The following MAF variants were observed in gnomAD, a reference collection of about 807,000 sequenced individuals.
MAF encodes the protein MAF bZIP transcription factor, also known as transcription factor Maf.
MAF carries 10 observed loss-of-function variants against 22.0 expected under a neutral mutation model. The observed-to-expected ratio is 0.45, with a 90% confidence interval of 0.28 to 0.77. The LOEUF (loss-of-function observed/expected upper bound fraction) is 0.77, where lower values mean the gene tolerates loss of function less well. Ranked by LOEUF, MAF falls within the 30% of genes least tolerant of loss-of-function variation. MAF has a pLI of 0.12. For synonymous variants in MAF, 337 were observed against 255.8 expected (o/e 1.32, Z -3.03); for missense variants, 544 against 548.4 (o/e 0.99, Z 0.08).
At chr16:79,480,826 A>G in the MAF span, among the ~76,000 whole-genome samples, 12 of 152,170 alleles carry the variant, frequency 7.9e-5, no homozygotes, top group Admixed American at 2.0e-4. Context: ...CTCTGGGAAA[A>G]CAGTTGGATG....
chr16:79,471,109 C>T, the MAF span, among the ~76,000 whole-genome samples: 1 of 152,180 alleles, frequency 6.6e-6, no homozygotes, highest in Non-Finnish European at 1.5e-5. Flanking sequence ...GCTGGACTTT[C>T]CTACCTGGCC....
chr16:79,246,773 G>C, the MAF span, among the ~76,000 whole-genome samples: 117 of 152,200 alleles, frequency 7.7e-4, no homozygotes, highest in East Asian at 8.3e-3. Flanking sequence ...CTTTACCCAA[G>C]AAAAAAGTCC....
chr16:79,324,575 G>C, the MAF span, among the ~76,000 whole-genome samples: 4 of 152,194 alleles, frequency 2.6e-5, no homozygotes, highest in Admixed American at 2.6e-4. Context: ...ATACAAATAA[G>C]AATCGGAGGT....
chr16:79,480,582 C>A, the MAF span, among the ~76,000 whole-genome samples: 2 of 152,062 alleles, frequency 1.3e-5, no homozygotes, highest in African/African-American at 2.4e-5. Context: ...TGGTACCTGG[C>A]ATTCAGATGT....
At chr16:79,405,824 G>C in the MAF span, among the ~76,000 whole-genome samples, 1 of 152,148 alleles carries the variant, frequency 6.6e-6, no homozygotes, top group Admixed American at 6.5e-5. Flanking sequence ...ATTTTGGAGA[G>C]AAAGAACTTT....
At chr16:79,548,278 T>A in the MAF span, among the ~76,000 whole-genome samples, 1 of 152,244 alleles carries the variant, frequency 6.6e-6, no homozygotes, top group Non-Finnish European at 1.5e-5. Context: ...TATTCATAAA[T>A]GTTCTTGATT....
chr16:79,576,590 G>A, the MAF span, among the ~76,000 whole-genome samples: 1 of 151,530 alleles, frequency 6.6e-6, no homozygotes, highest in African/African-American at 2.4e-5. Flanking sequence ...AACTAACGTT[G>A]TATGTTTTTC....
At chr16:79,465,790 C>T in the MAF span, among the ~76,000 whole-genome samples, 2 of 152,114 alleles carry the variant, frequency 1.3e-5, no homozygotes, top group Non-Finnish European at 2.9e-5. Flanking sequence ...GTAGTAGGGT[C>T]TATCTCCAAT....
At chr16:79,457,545 C>G in the MAF span, among the ~76,000 whole-genome samples, 1 of 152,076 alleles carries the variant, frequency 6.6e-6, no homozygotes, top group African/African-American at 2.4e-5. Flanking sequence ...CTGAAATATG[C>G]TGACAATAGT....
the MAF span, among the ~76,000 whole-genome samples, chr16:79,506,484 G>A: frequency 1.3e-5 from 2 of 152,208 alleles, no homozygotes; most frequent in Non-Finnish European, 2.9e-5. Flanking sequence ...CATAAAGGGT[G>A]AGGCTCTCCT....
At chr16:79,418,197 G>C in the MAF span, among the ~76,000 whole-genome samples, 1 of 152,182 alleles carries the variant, frequency 6.6e-6, no homozygotes, top group Non-Finnish European at 1.5e-5. Context: ...GGCTGGGCTT[G>C]AGAGACCATC....
the MAF span, among the ~76,000 whole-genome samples, chr16:79,520,134 G>A: frequency 2.6e-5 from 4 of 152,184 alleles, no homozygotes; most frequent in Non-Finnish European, 5.9e-5. Context: ...CATTCAGCAG[G>A]CGCCTGCTAA....
the MAF span, among the ~76,000 whole-genome samples, chr16:79,566,990 G>A: frequency 3.0e-4 from 45 of 152,310 alleles, no homozygotes; most frequent in Non-Finnish European, 5.7e-4. Context: ...CTGGGATGAA[G>A]TAAATGCATA....
At chr16:79,566,735 T>C in the MAF span, among the ~76,000 whole-genome samples, 87 of 152,282 alleles carry the variant, frequency 5.7e-4, no homozygotes, top group Non-Finnish European at 1.0e-3. Context: ...CTTGGTGAGA[T>C]GTGCAGGGCC....
chr16:79,258,195 T>C, the MAF span, among the ~76,000 whole-genome samples: 1 of 152,114 alleles, frequency 6.6e-6, no homozygotes, highest in Non-Finnish European at 1.5e-5. Flanking sequence ...TGTGTGGTTA[T>C]TTGCTGTTGT....
chr16:79,214,412 A>G, the MAF span, among the ~76,000 whole-genome samples: 1 of 152,100 alleles, frequency 6.6e-6, no homozygotes, highest in Admixed American at 6.6e-5. Context: ...CCCGAGCCAC[A>G]CACTGTGCTA....
chr16:79,246,652 T>C, the MAF span, among the ~76,000 whole-genome samples: 1 of 152,130 alleles, frequency 6.6e-6, no homozygotes, highest in Admixed American at 6.5e-5. Context: ...ATTTCCAACA[T>C]GAAATGTGTT....
At chr16:79,482,002 G>C in the MAF span, among the ~76,000 whole-genome samples, 1 of 152,300 alleles carries the variant, frequency 6.6e-6, no homozygotes, top group South Asian at 2.1e-4. Context: ...ACAAAGGATG[G>C]ATGATGAAAG....
At chr16:79,331,451 A>G in the MAF span, among the ~76,000 whole-genome samples, 1 of 152,182 alleles carries the variant, frequency 6.6e-6, no homozygotes, top group Non-Finnish European at 1.5e-5. Flanking sequence ...TCCATCTACT[A>G]ACTTTGAAGT....
Sources: allele counts gnomAD v4.1 joint callset (sites outside exome capture counted in the v4.1 genomes callset), GRCh38; gene constraint gnomAD v4.1.1; transcripts MANE v1.5; gene names NCBI Gene and HGNC (gene_info 2026-07-23, HGNC 2026-07-21).